ARHGEF7: variants seen among roughly 807,000 people sequenced by gnomAD.
The protein encoded by ARHGEF7 is PAK-interacting exchange factor beta.
A neutral mutation model predicts 109.8 loss-of-function variants in ARHGEF7; 33 were observed. That is an observed-to-expected ratio of 0.30 (90% CI 0.23 to 0.40). ARHGEF7 has a LOEUF of 0.40. Ranked by LOEUF, ARHGEF7 falls within the 10% of genes least tolerant of loss-of-function variation. The pLI is 1.00. For synonymous variants in ARHGEF7, 458 were observed against 424.6 expected (o/e 1.08, Z -0.97); for missense variants, 938 against 1,098.5 (o/e 0.85, Z 2.07).
At chr13:111,301,620 C>A in intron 21 of ARHGEF7, 88 bp downstream of exon 21, 3 of 1,103,776 alleles carry the variant, frequency 2.7e-6, no homozygotes, top group South Asian at 1.4e-5. Context: ...TGGCTGGGTA[C>A]GGTGGCTCAC....
chr13:111,132,037 A>G (rs2074782978), intron 1 of ARHGEF7, among the ~76,000 whole-genome samples: 1 of 152,182 alleles, frequency 6.6e-6, no homozygotes, highest in Non-Finnish European at 1.5e-5. Flanking sequence ...CAGGGAACTG[A>G]GCGGGAGATT....
At chr13:111,133,603 G>C (rs760927736) in intron 1 of ARHGEF7, among the ~76,000 whole-genome samples, 1 of 150,098 alleles carries the variant, frequency 6.7e-6, no homozygotes, top group African/African-American at 2.5e-5. Flanking sequence ...AAGTAAGATG[G>C]TTCTTCCATC....
chr13:111,237,568 A>G (rs1322578165), intron 6 of ARHGEF7, among the ~76,000 whole-genome samples: 1 of 152,222 alleles, frequency 6.6e-6, no homozygotes, highest in Non-Finnish European at 1.5e-5. Context: ...AACCTGAAAT[A>G]TATTCAAAGA....
At chr13:111,200,374 A>G (rs961471063) in intron 2 of ARHGEF7, among the ~76,000 whole-genome samples, 1 of 150,236 alleles carries the variant, frequency 6.7e-6, no homozygotes, top group African/African-American at 2.5e-5. Context: ...TGAATTCCTC[A>G]CCACTCACCT....
intron 13 of ARHGEF7, among the ~76,000 whole-genome samples, chr13:111,278,899 G>A (rs2092634981): frequency 6.6e-6 from 1 of 152,188 alleles, no homozygotes; most frequent in Non-Finnish European, 1.5e-5. Context: ...CACTGGATTT[G>A]CCCTTGATGT....
At chr13:111,182,683 G>A (rs986465741) in intron 2 of ARHGEF7, 5 of 152,230 alleles carry the variant, frequency 3.3e-5, no homozygotes, top group Non-Finnish European at 7.3e-5. Flanking sequence ...CCCCGCCATC[G>A]GGAGACTTGG....
At chr13:111,181,944 G>A (rs1006573420) in intron 2 of ARHGEF7, among the ~76,000 whole-genome samples, 1 of 152,210 alleles carries the variant, frequency 6.6e-6, no homozygotes, top group Non-Finnish European at 1.5e-5. Flanking sequence ...CCAACAAAGC[G>A]TTGTGGATTT....
At chr13:111,282,374 T>C (rs1274229551) in intron 15 of ARHGEF7, among the ~76,000 whole-genome samples, 1 of 152,274 alleles carries the variant, frequency 6.6e-6, no homozygotes, top group Non-Finnish European at 1.5e-5. Flanking sequence ...TTTTCTCATT[T>C]AACTGTCATT....
intron 8 of ARHGEF7, among the ~76,000 whole-genome samples, chr13:111,245,623 C>T (rs746138572): frequency 5.9e-5 from 9 of 152,154 alleles, no homozygotes; most frequent in Admixed American, 2.0e-4. Flanking sequence ...CCGGCCACTA[C>T]GCTCCTCACC....
chr13:111,164,112 C>A (rs1305946835), intron 2 of ARHGEF7, among the ~76,000 whole-genome samples: 1 of 152,110 alleles, frequency 6.6e-6, no homozygotes, highest in African/African-American at 2.4e-5. Context: ...AAATGGGACC[C>A]AGGTTTGTTG....
At chr13:111,126,376 G>A (rs9559992) in intron 1 of ARHGEF7, among the ~76,000 whole-genome samples, 2 of 152,046 alleles carry the variant, frequency 1.3e-5, no homozygotes, top group Middle Eastern at 3.4e-3. Flanking sequence ...TGTAATCCCA[G>A]CTACTTGGGA....
chr13:111,121,697 C>A (rs966296178), intron 1 of ARHGEF7, among the ~76,000 whole-genome samples: 4 of 152,184 alleles, frequency 2.6e-5, no homozygotes, highest in African/African-American at 9.7e-5. Context: ...TGGCATCCCC[C>A]GAACCCACGG....
intron 1 of ARHGEF7, among the ~76,000 whole-genome samples, chr13:111,123,285 A>G (rs1251322051): frequency 6.6e-6 from 1 of 152,134 alleles, no homozygotes; most frequent in Non-Finnish European, 1.5e-5. Context: ...GTGTGATCAC[A>G]TGGAGGAGAA....
chr13:111,231,744 A>G (rs2086089058), intron 5 of ARHGEF7, among the ~76,000 whole-genome samples: 1 of 152,178 alleles, frequency 6.6e-6, no homozygotes, highest in Non-Finnish European at 1.5e-5. Flanking sequence ...AGAGGAGAGC[A>G]GAAGGCATGG....
chr13:111,126,573 C>A (rs1033191049), intron 1 of ARHGEF7, among the ~76,000 whole-genome samples: 7 of 151,836 alleles, frequency 4.6e-5, no homozygotes, highest in Non-Finnish European at 8.8e-5. Flanking sequence ...CCAGAAAGTG[C>A]CCTAGAAGCC....
At chr13:111,295,054 A>G (rs1470396361) in intron 19 of ARHGEF7, 1 of 985,602 alleles carries the variant, frequency 1.0e-6, no homozygotes, top group Admixed American at 6.1e-5. Flanking sequence ...TGAAAAACTC[A>G]ATTGGATGTA....
At chr13:111,127,583 G>T (rs1004931601) in intron 1 of ARHGEF7, among the ~76,000 whole-genome samples, 1 of 148,930 alleles carries the variant, frequency 6.7e-6, no homozygotes, top group Non-Finnish European at 1.5e-5. Context: ...GGAGGTTGAG[G>T]CTGCAGCGAG....
At chr13:111,147,300 C>T (rs2075647243) in intron 1 of ARHGEF7, among the ~76,000 whole-genome samples, 1 of 152,162 alleles carries the variant, frequency 6.6e-6, no homozygotes, top group Non-Finnish European at 1.5e-5. Flanking sequence ...ATTTACACTC[C>T]CATTAGTCGT....
chr13:111,153,815 TG>T (rs916342643), intron 1 of ARHGEF7, 89 bp from the exon 2 acceptor site: 27 of 1,496,324 alleles, frequency 1.8e-5, no homozygotes, highest in Non-Finnish European at 2.4e-5. Flanking sequence ...CCCGCTGTGT[TG>T]GGAGCGCGGG....
Sources: allele counts gnomAD v4.1 joint callset (sites outside exome capture counted in the v4.1 genomes callset), GRCh38; gene constraint gnomAD v4.1.1; transcripts MANE v1.5; gene names NCBI Gene and HGNC (gene_info 2026-07-23, HGNC 2026-07-21).